ADAMTSL3: variants seen among roughly 807,000 people sequenced by gnomAD.
The protein encoded by ADAMTSL3 is ADAMTS like 3, also known as ADAMTS-like protein 3.
In ADAMTSL3, 128 loss-of-function variants were observed where a neutral mutation model predicts 201.7. That is an observed-to-expected ratio of 0.63 (90% CI 0.55 to 0.73). ADAMTSL3 has a LOEUF of 0.73. Among genes scored for constraint, ADAMTSL3 ranks in the 30% least tolerant of loss-of-function variants. The pLI is 0.00. For missense variants in ADAMTSL3, 1,990 were observed against 2,119.6 expected (o/e 0.94, Z 1.20); for synonymous variants, 738 against 748.4 (o/e 0.99, Z 0.23).
chr15:83,714,853 C>T (rs1258808244), intron 3 of ADAMTSL3, among the ~76,000 whole-genome samples: 1,232 of 35,628 alleles, frequency 0.035, 48 homozygotes, highest in Non-Finnish European at 0.042. Flanking sequence ...TCTCTCTTTC[C>T]CTCCCTCCCT....
chr15:83,661,033 T>C (rs1595983683), intron 2 of ADAMTSL3, among the ~76,000 whole-genome samples: 1 of 145,956 alleles, frequency 6.9e-6, no homozygotes, highest in South Asian at 2.3e-4. Context: ...ATTTATTAAA[T>C]AGGGAATCCT....
At chr15:83,760,328 T>C (rs2062788208) in intron 3 of ADAMTSL3, among the ~76,000 whole-genome samples, 1 of 152,194 alleles carries the variant, frequency 6.6e-6, no homozygotes, top group Non-Finnish European at 1.5e-5. Flanking sequence ...TTTCTAGTTT[T>C]AAACTTGCTT....
At chr15:83,944,224 G>A (rs1353169913) in intron 19 of ADAMTSL3, among the ~76,000 whole-genome samples, 1 of 152,196 alleles carries the variant, frequency 6.6e-6, no homozygotes, top group African/African-American at 2.4e-5. Context: ...AGAATAGCTG[G>A]TAGGGCCTTT....
chr15:84,000,038 TA>T (rs1227318978), intron 23 of ADAMTSL3, among the ~76,000 whole-genome samples: 1 of 151,778 alleles, frequency 6.6e-6, no homozygotes, highest in African/African-American at 2.4e-5. Flanking sequence ...CATATGTCTT[TA>T]AGTCATAAAT....
At chr15:83,752,792 A>G (rs1000492115) in intron 3 of ADAMTSL3, among the ~76,000 whole-genome samples, 1 of 152,166 alleles carries the variant, frequency 6.6e-6, no homozygotes, top group Non-Finnish European at 1.5e-5. Context: ...TGATAACTCT[A>G]TTTACAACCC....
intron 26 of ADAMTSL3, among the ~76,000 whole-genome samples, chr15:84,023,186 G>T (rs537277282): frequency 6.6e-6 from 1 of 152,266 alleles, no homozygotes; most frequent in African/African-American, 2.4e-5. Flanking sequence ...AAATATTTAT[G>T]AAATCAATGA....
chr15:83,957,002 T>C (rs2066874877), intron 19 of ADAMTSL3, among the ~76,000 whole-genome samples: 1 of 152,122 alleles, frequency 6.6e-6, no homozygotes. Flanking sequence ...GAAATGACAT[T>C]TACAACCATG....
chr15:83,676,875 A>T (rs1179600266), intron 2 of ADAMTSL3, among the ~76,000 whole-genome samples: 3 of 152,202 alleles, frequency 2.0e-5, no homozygotes, highest in African/African-American at 7.2e-5. Flanking sequence ...GTAGGCCCTC[A>T]CCAGATACTG....
chr15:83,744,680 A>G (rs2062514874), intron 3 of ADAMTSL3, among the ~76,000 whole-genome samples: 1 of 152,226 alleles, frequency 6.6e-6, no homozygotes, highest in Non-Finnish European at 1.5e-5. Flanking sequence ...GTTGTACCGT[A>G]GAGCTCTTGA....
At chr15:83,829,934 G>A (rs1325649000) in intron 6 of ADAMTSL3, among the ~76,000 whole-genome samples, 1 of 152,154 alleles carries the variant, frequency 6.6e-6, no homozygotes, top group Non-Finnish European at 1.5e-5. Flanking sequence ...GCTGAAGAGT[G>A]CTTTACTTCC....
intron 2 of ADAMTSL3, among the ~76,000 whole-genome samples, chr15:83,676,306 T>G (rs2061404419): frequency 6.6e-6 from 1 of 152,162 alleles, no homozygotes; most frequent in South Asian, 2.1e-4. Context: ...TTCATTCTTA[T>G]TAAACAATAT....
chr15:83,657,008 G>T (rs75821416), intron 2 of ADAMTSL3, among the ~76,000 whole-genome samples: 9,578 of 152,122 alleles, frequency 0.063, 478 homozygotes, highest in East Asian at 0.22. Context: ...CCATTTTATC[G>T]ATACTATCCC....
intron 20 of ADAMTSL3, among the ~76,000 whole-genome samples, chr15:83,981,954 G>T (rs1185390437): frequency 6.6e-6 from 1 of 152,176 alleles, no homozygotes; most frequent in African/African-American, 2.4e-5. Flanking sequence ...CTCAAATCTA[G>T]AAATAACTAT....
intron 19 of ADAMTSL3, among the ~76,000 whole-genome samples, chr15:83,948,995 C>T (rs2066710245): frequency 6.6e-6 from 1 of 151,982 alleles, no homozygotes; most frequent in South Asian, 2.1e-4. Context: ...AAGCATTTAT[C>T]CTTTGTATAA....
intron 2 of ADAMTSL3, among the ~76,000 whole-genome samples, chr15:83,685,807 G>C (rs1457794233): frequency 6.6e-6 from 1 of 152,166 alleles, no homozygotes; most frequent in Non-Finnish European, 1.5e-5. Flanking sequence ...ACTATGCCAA[G>C]CATCTAGTAG....
intron 3 of ADAMTSL3, among the ~76,000 whole-genome samples, chr15:83,727,999 G>A (rs1248392709): frequency 6.6e-6 from 1 of 151,916 alleles, no homozygotes; most frequent in Non-Finnish European, 1.5e-5. Context: ...TGGAATCTAT[G>A]TCTGTCTTTA....
chr15:83,986,950 C>T (rs145306901), intron 21 of ADAMTSL3, among the ~76,000 whole-genome samples: 23 of 152,306 alleles, frequency 1.5e-4, no homozygotes, highest in Middle Eastern at 3.4e-3. Context: ...AGGCTAGGTA[C>T]CCAGTGGCCC....
chr15:83,742,646 T>C (rs2062475473), intron 3 of ADAMTSL3, among the ~76,000 whole-genome samples: 1 of 152,150 alleles, frequency 6.6e-6, no homozygotes. Flanking sequence ...ATAAAAATAA[T>C]AAAGTAATTT....
At chr15:83,882,565 A>C (rs914731770) in intron 9 of ADAMTSL3, among the ~76,000 whole-genome samples, 33 of 152,124 alleles carry the variant, frequency 2.2e-4, no homozygotes, top group African/African-American at 7.0e-4. Context: ...TTTTCCAGTG[A>C]ATATCTCTAA....
Sources: allele counts gnomAD v4.1 joint callset (sites outside exome capture counted in the v4.1 genomes callset), GRCh38; gene constraint gnomAD v4.1.1; transcripts MANE v1.5; gene names NCBI Gene and HGNC (gene_info 2026-07-23, HGNC 2026-07-21).